SLTM: variants seen among roughly 807,000 people sequenced by gnomAD.
SLTM encodes the protein SAFB like transcription modulator.
Under a neutral mutation model 134.6 loss-of-function variants are expected in SLTM, and 43 were observed. The observed-to-expected ratio is 0.32, with a 90% CI of 0.25 to 0.41. The LOEUF (loss-of-function observed/expected upper bound fraction) is 0.41, where lower values mean the gene tolerates loss of function less well. Ranked by LOEUF, SLTM falls within the 10% of genes least tolerant of loss-of-function variation. SLTM has a pLI of 1.00. For synonymous variants in SLTM, 424 were observed against 432.3 expected (o/e 0.98, Z 0.24); for missense variants, 1,055 against 1,288.8 (o/e 0.82, Z 2.78).
rs768978603 is a variant in SLTM, at chr15:58,887,559, G to C, written c.2376-19C>G. 1.3e-6 allele frequency: 2 copies of C among 1,592,848 alleles called. No individual in the cohort carries two copies. The highest frequency in any genetic ancestry group is 2.2e-5 in the East Asian group (1 of 44,788). ...ATCCCGCCTATTGATTAGAAACAAA[G>C]AATATAGGTCCAAGAAGTGCTTACT... On this transcript the variant is annotated intron_variant, in intron 17 of 20. Coordinates refer to ENST00000380516, the MANE Select transcript of SLTM (RefSeq NM_024755.4).
intron 2 of SLTM, among the ~76,000 whole-genome samples, chr15:58,923,194 CAAAAA>C (rs1231906451): frequency 6.6e-6 from 1 of 151,788 alleles, no homozygotes; most frequent in Non-Finnish European, 1.5e-5. Flanking sequence ...CCCGTATCTA[CAAAAA>C]AACACACAAA....
intron 2 of SLTM, among the ~76,000 whole-genome samples, chr15:58,924,359 C>T (rs1027921068): frequency 6.6e-6 from 1 of 152,138 alleles, no homozygotes; most frequent in Non-Finnish European, 1.5e-5. Flanking sequence ...AGACTATAAA[C>T]ATTTATGTAG....
chr15:58,914,967 G>C (rs1356330998), intron 3 of SLTM, among the ~76,000 whole-genome samples: 1 of 152,210 alleles, frequency 6.6e-6, no homozygotes, highest in East Asian at 1.9e-4. Flanking sequence ...AGGCCGACGG[G>C]TGGATCATGA....
intron 5 of SLTM, 72 bp downstream of exon 5, chr15:58,912,491 G>T: frequency 8.1e-7 from 1 of 1,233,792 alleles, no homozygotes; most frequent in Non-Finnish European, 1.2e-6. Context: ...GAATTATGAA[G>T]TCAAAATAAG....
chr15:58,897,403 G>A, intron 8 of SLTM, 170 bp from the exon 9 acceptor site: 1 of 523,584 alleles, frequency 1.9e-6, no homozygotes, highest in African/African-American at 1.9e-5. Flanking sequence ...ACTAGTGAGG[G>A]GAAAAAATCT....
At position 58,894,357 on chromosome 15, in the gene SLTM, G is replaced by C. The variant is rs1332675959; in HGVS notation, c.1377+76C>G. ...AAAATCACTGCAAATTCTACTCCCT[G>C]CTACTGTTAACAGCTATGAGTTGAG... On this transcript the variant is annotated intron_variant, in intron 10 of 20. Transcript: ENST00000380516. 5 of 1,533,288 alleles carry C rather than the reference G, an allele frequency of 3.3e-6. No individual in the cohort carries two copies. The African/African-American group carries it at 6.9e-5, about 21-fold the overall frequency. The allele number at this position is 1,533,288 out of a possible 1,614,324, so 95.0% of individuals were successfully genotyped here.
intron 5 of SLTM, among the ~76,000 whole-genome samples, chr15:58,903,135 C>T (rs1160768608): frequency 2.0e-5 from 3 of 151,548 alleles, no homozygotes; most frequent in Non-Finnish European, 2.9e-5. Flanking sequence ...CTCCTGACCT[C>T]GTGATCCACC....
Position 58,912,611 on chromosome 15 carries a change from CTAAG to C in SLTM, c.514-5_514-2del. On this transcript the variant is annotated splice_acceptor_variant and splice_polypyrimidine_tract_variant and intron_variant, in intron 4 of 20. Transcript: ENST00000380516. LOFTEE classifies it high-confidence loss of function. Reference sequence around the variant, plus strand: ...CTTCACCTTCTTGAGCTTCAATTTCCTAAGTAAAAGGGTATACAATAGCTTTGCT... The same window carrying C: ...CTTCACCTTCTTGAGCTTCAATTTCCTAAAAGGGTATACAATAGCTTTGCT... 1 of 1,602,418 alleles carries C rather than the reference CTAAG, an allele frequency of 6.2e-7. No individual in the cohort carries two copies. Among genetic ancestry groups the C allele is most frequent in the South Asian group, 1.1e-5 (1 of 89,610 alleles).
At chr15:58,926,306 AAC>A in intron 2 of SLTM, among the ~76,000 whole-genome samples, 1 of 152,294 alleles carries the variant, frequency 6.6e-6, no homozygotes, top group South Asian at 2.1e-4. Context: ...ATCTACCTTC[AAC>A]AAAACACCAT....
intron 20 of SLTM, among the ~76,000 whole-genome samples, chr15:58,881,255 G>C (rs1430440744): frequency 1.3e-5 from 2 of 152,106 alleles, no homozygotes; most frequent in Non-Finnish European, 2.9e-5. Flanking sequence ...CGGGTGTGGT[G>C]GTTCACACCT....
intron 2 of SLTM, among the ~76,000 whole-genome samples, chr15:58,918,520 A>G (rs1186249080): frequency 6.6e-6 from 1 of 152,172 alleles, no homozygotes; most frequent in Non-Finnish European, 1.5e-5. Context: ...CCAAGTATGT[A>G]AAAAACAAGA....
rs762399147 is a variant in SLTM, at chr15:58,898,792, A to G, written c.1108+11T>C. ...TCAACACTGAAATAAATAGGGAAAAAAATTCTTTACCTTTGTCATCTTTAG... is the reference window on the plus strand; with the variant it reads ...TCAACACTGAAATAAATAGGGAAAAGAATTCTTTACCTTTGTCATCTTTAG... On this transcript the variant is annotated intron_variant, in intron 8 of 20. Coordinates refer to ENST00000380516, the MANE Select transcript of SLTM (RefSeq NM_024755.4). The G allele has an allele frequency of 6.3e-7, 1 of 1,596,736 alleles. No homozygotes were observed. Among genetic ancestry groups the G allele is most frequent in the South Asian group, 1.1e-5 (1 of 88,712 alleles).
chr15:58,924,888 T>C (rs2037351038), intron 2 of SLTM, among the ~76,000 whole-genome samples: 1 of 151,898 alleles, frequency 6.6e-6, no homozygotes, highest in Non-Finnish European at 1.5e-5. Flanking sequence ...GGGGCAGTCA[T>C]GGTTCACTGC....
chr15:58,893,263 C>T lies in SLTM; in HGVS notation c.1734+16G>A. ...ACAGCTGAAGTAGTATACAACCATC[C>T]TGATCAGAGACTTACTTTCTCATAT... On this transcript the variant is annotated intron_variant, in intron 13 of 20. Transcript: ENST00000380516. The T allele has an allele frequency of 6.3e-7, 1 of 1,589,268 alleles. No individual in the cohort carries two copies. Among genetic ancestry groups the T allele is most frequent in the Non-Finnish European group, 8.6e-7 (1 of 1,161,484 alleles).
chr15:58,883,905 C>T, intron 19 of SLTM, 119 bp from the exon 20 acceptor site: 1 of 1,087,922 alleles, frequency 9.2e-7, no homozygotes, highest in Non-Finnish European at 1.3e-6. Flanking sequence ...CGAGACCAGC[C>T]TGGCTAACAT....
chr15:58,890,876 A>G (rs1223336355), intron 14 of SLTM, among the ~76,000 whole-genome samples: 1 of 152,356 alleles, frequency 6.6e-6, no homozygotes, highest in South Asian at 2.1e-4. Flanking sequence ...TCCTTAAACA[A>G]GTACATACTT....
chr15:58,883,338 C>A (rs1302912131), intron 20 of SLTM: 1 of 283,336 alleles, frequency 3.5e-6, no homozygotes, highest in African/African-American at 2.1e-5. Flanking sequence ...CAAAACAAAA[C>A]AAAAGAATTC....
At chr15:58,886,932 A>C (rs2034255838) in intron 19 of SLTM, 43 bp downstream of exon 19, 1 of 1,610,628 alleles carries the variant, frequency 6.2e-7, no homozygotes, top group Non-Finnish European at 8.5e-7. Flanking sequence ...AATCCTCTAA[A>C]TGTATGTGTG....
At chr15:58,903,046 C>T (rs937508080) in intron 5 of SLTM, among the ~76,000 whole-genome samples, 5 of 152,102 alleles carry the variant, frequency 3.3e-5, no homozygotes, top group South Asian at 4.2e-4. Context: ...GGACTACAGG[C>T]GTGTGCCACT....
Sources: allele counts gnomAD v4.1 joint callset (sites outside exome capture counted in the v4.1 genomes callset), GRCh38; gene constraint gnomAD v4.1.1; transcripts MANE v1.5; gene names NCBI Gene and HGNC (gene_info 2026-07-23, HGNC 2026-07-21).